Variants in PPP2R2B observed in about 807,000 individuals in gnomAD.
PPP2R2B encodes the protein serine/threonine-protein phosphatase 2A 55 kDa regulatory subunit B beta isoform.
Under a neutral mutation model 46.0 loss-of-function variants are expected in PPP2R2B, and 5 were observed. The ratio of observed to expected loss-of-function variants is 0.11; its 90% CI spans 0.06 to 0.23. The LOEUF is 0.23. PPP2R2B is among the 10% of genes least tolerant of loss of function. The probability of loss-of-function intolerance (pLI) is 1.00; values close to 1 mark genes in which losing one functional copy is unlikely to be tolerated. For missense variants in PPP2R2B, 367 were observed against 575.0 expected, an observed-to-expected ratio of 0.64 and a Z score of 3.70; for synonymous variants, 215 against 206.7, an observed-to-expected ratio of 1.04 and a Z score of -0.34.
chr5:146,782,923 A>G (rs1028171282), intron 2 of PPP2R2B, among the ~76,000 whole-genome samples: 1 of 152,148 alleles, frequency 6.6e-6, no homozygotes, highest in African/African-American at 2.4e-5. Flanking sequence ...ATGTGGCTAG[A>G]AATGTGGATA....
At chr5:147,055,977 A>G, upstream of PPP2R2B, 1 of 1,363,918 alleles carries the variant, frequency 7.3e-7, no homozygotes. Flanking sequence ...CCCCCAAGCA[A>G]GCCGGGATAT....
intron 2 of PPP2R2B, among the ~76,000 whole-genome samples, chr5:147,061,922 G>C (rs531844069): frequency 6.6e-6 from 1 of 152,262 alleles, no homozygotes; most frequent in South Asian, 2.1e-4. Context: ...AATTTATAAA[G>C]AGAAGTCAGA....
At chr5:146,710,049 T>TG (rs1244105275) in intron 2 of PPP2R2B, among the ~76,000 whole-genome samples, 1 of 152,218 alleles carries the variant, frequency 6.6e-6, no homozygotes, top group Non-Finnish European at 1.5e-5. Flanking sequence ...CCTTCCCACT[T>TG]GCTTGATTCC....
intron 1 of PPP2R2B, among the ~76,000 whole-genome samples, chr5:146,927,319 G>A (rs961370299): frequency 2.6e-5 from 4 of 152,052 alleles, no homozygotes; most frequent in Admixed American, 2.0e-4. Flanking sequence ...GTTTTGACTC[G>A]TCTCTCTCTT....
intron 2 of PPP2R2B, among the ~76,000 whole-genome samples, chr5:146,739,023 C>G (rs1389048354): frequency 2.6e-5 from 1 of 38,008 alleles, no homozygotes; most frequent in Non-Finnish European, 5.9e-5. Flanking sequence ...AGAAGTGCAC[C>G]TATTTTTTTT....
chr5:146,626,688 G>T (rs555385709), intron 7 of PPP2R2B, among the ~76,000 whole-genome samples: 4 of 152,058 alleles, frequency 2.6e-5, no homozygotes, highest in African/African-American at 9.7e-5. Context: ...ATGTCCCAAG[G>T]CCAGAGCCAT....
At chr5:146,695,128 T>C (rs190009552) in intron 4 of PPP2R2B, among the ~76,000 whole-genome samples, 1 of 152,264 alleles carries the variant, frequency 6.6e-6, no homozygotes, top group Admixed American at 6.5e-5. Flanking sequence ...TATTAAGTGT[T>C]ATATTAATAA....
intron 1 of PPP2R2B, among the ~76,000 whole-genome samples, chr5:146,999,013 C>CATAA (rs1754046062): frequency 1.5e-5 from 1 of 65,298 alleles, no homozygotes; most frequent in African/African-American, 6.5e-5. Context: ...GACTCCATAT[C>CATAA]AAAAAAAAAA....
chr5:146,970,131 G>T (rs578170736), intron 1 of PPP2R2B, among the ~76,000 whole-genome samples: 37 of 152,202 alleles, frequency 2.4e-4, no homozygotes, highest in African/African-American at 8.4e-4. Flanking sequence ...TATAATGTAG[G>T]TATACTTATT....
chr5:146,716,619 T>C (rs1035146306), intron 2 of PPP2R2B, among the ~76,000 whole-genome samples: 1 of 152,182 alleles, frequency 6.6e-6, no homozygotes, highest in African/African-American at 2.4e-5. Context: ...GGATCCCTAG[T>C]GGGATCTGAG....
chr5:147,067,709 C>T (rs1412287103), intron 2 of PPP2R2B, among the ~76,000 whole-genome samples: 3 of 152,168 alleles, frequency 2.0e-5, no homozygotes. Context: ...AAAAAGATCT[C>T]CCAGTTTCCT....
intron 1 of PPP2R2B, among the ~76,000 whole-genome samples, chr5:147,048,055 G>T (rs1484221046): frequency 6.6e-6 from 1 of 152,132 alleles, no homozygotes; most frequent in Non-Finnish European, 1.5e-5. Context: ...TAATTCAATA[G>T]GGCTGTGGTA....
intron 1 of PPP2R2B, among the ~76,000 whole-genome samples, chr5:146,923,293 T>C (rs1763672334): frequency 6.6e-6 from 1 of 152,164 alleles, no homozygotes; most frequent in Non-Finnish European, 1.5e-5. Flanking sequence ...GGGGACCACT[T>C]ATTAGCTCAT....
At chr5:146,605,113 C>T (rs1161789825) in intron 7 of PPP2R2B, among the ~76,000 whole-genome samples, 3 of 152,174 alleles carry the variant, frequency 2.0e-5, no homozygotes, top group Admixed American at 2.0e-4. Flanking sequence ...TATTAACTCA[C>T]TCACTATTCA....
chr5:146,598,027 A>G (rs1210071110), intron 8 of PPP2R2B, among the ~76,000 whole-genome samples: 3 of 152,206 alleles, frequency 2.0e-5, no homozygotes, highest in Non-Finnish European at 4.4e-5. Context: ...AACTTCCTTC[A>G]GCCAGAATCC....
chr5:146,712,591 A>G (rs759048965), intron 2 of PPP2R2B, among the ~76,000 whole-genome samples: 5 of 152,242 alleles, frequency 3.3e-5, no homozygotes, highest in Non-Finnish European at 7.3e-5. Context: ...TAGAAAAGTC[A>G]GGAAAGATTT....
chr5:146,948,127 G>T (rs948963695), intron 1 of PPP2R2B, among the ~76,000 whole-genome samples: 7 of 151,844 alleles, frequency 4.6e-5, no homozygotes, highest in Non-Finnish European at 5.9e-5. Context: ...AACACTTTAT[G>T]CAAATACTTT....
chr5:147,062,995 G>A (rs6580450), intron 2 of PPP2R2B, among the ~76,000 whole-genome samples: 32,310 of 56,332 alleles, frequency 0.57, 8,591 homozygotes, highest in Middle Eastern at 0.7. Flanking sequence ...AGGGAGGGAG[G>A]GAGGGGGGAA....
intron 2 of PPP2R2B, among the ~76,000 whole-genome samples, chr5:146,814,390 C>T (rs1214845172): frequency 6.6e-6 from 1 of 152,166 alleles, no homozygotes; most frequent in African/African-American, 2.4e-5. Context: ...GGAGAGGCCT[C>T]CCCTGCAACA....
Sources: gnomAD v4.1 joint callset for allele counts (sites outside exome capture counted in the v4.1 genomes callset) on GRCh38, gnomAD v4.1.1 for gene constraint, MANE v1.5 for transcripts, NCBI Gene and HGNC (gene_info 2026-07-23, HGNC 2026-07-21) for gene names.